DENND6A: variants seen among roughly 807,000 people sequenced by gnomAD.
The protein encoded by DENND6A is protein DENND6A.
Under a neutral mutation model 95.5 loss-of-function variants are expected in DENND6A, and 43 were observed. The observed-to-expected ratio is 0.45, with a 90% CI of 0.35 to 0.58. DENND6A has a LOEUF of 0.58. DENND6A is among the 20% of genes least tolerant of loss of function. The probability of loss-of-function intolerance (pLI) is 0.00; values close to 1 mark genes in which losing one functional copy is unlikely to be tolerated. For synonymous variants in DENND6A, 257 were observed against 260.4 expected, an observed-to-expected ratio of 0.99 and a Z score of 0.13; for missense variants, 574 against 736.0, an observed-to-expected ratio of 0.78 and a Z score of 2.55.
At chr3:57,678,575 G>A (rs557992469) in intron 1 of DENND6A, among the ~76,000 whole-genome samples, 18 of 152,368 alleles carry the variant, frequency 1.2e-4, no homozygotes, top group South Asian at 6.2e-4. Context: ...CATATTTAGA[G>A]ACAGGGCCTT....
chr3:57,672,806 AT>A (rs746586931), intron 1 of DENND6A, among the ~76,000 whole-genome samples: 13 of 151,654 alleles, frequency 8.6e-5, no homozygotes, highest in East Asian at 7.8e-4. Context: ...AAACAAAAAA[AT>A]ATATATATAT....
chr3:57,687,882 T>C (rs1575873989), intron 1 of DENND6A, among the ~76,000 whole-genome samples: 1 of 148,798 alleles, frequency 6.7e-6, no homozygotes, highest in East Asian at 2.0e-4. Flanking sequence ...CAGTAAGCCA[T>C]GATTGCATCA....
At chr3:57,633,210 T>C (rs569931815) in intron 15 of DENND6A, 55 bp downstream of exon 15, 1 of 1,437,262 alleles carries the variant, frequency 7.0e-7, no homozygotes, top group East Asian at 2.3e-5. Flanking sequence ...GGAAAAACAT[T>C]TATATACCCT....
chr3:57,646,787 A>C (rs1410278052), intron 9 of DENND6A, among the ~76,000 whole-genome samples: 1 of 152,202 alleles, frequency 6.6e-6, no homozygotes, highest in African/African-American at 2.4e-5. Flanking sequence ...TTCAATCCTA[A>C]ATATTTTTAA....
chr3:57,681,029 A>G (rs909696354), intron 1 of DENND6A, among the ~76,000 whole-genome samples: 4 of 152,318 alleles, frequency 2.6e-5, no homozygotes, highest in Admixed American at 2.6e-4. Flanking sequence ...TGCAATTTCA[A>G]TGCTAGGTAT....
At position 57,683,125 on chromosome 3, in the gene DENND6A, A is replaced by G. The variant is rs144954709; in HGVS notation, c.237+9657T>C. Among the ~76,000 whole-genome samples the G allele has an allele frequency of 9.9e-4, 151 of 152,290 alleles. 1 individual carries two copies. The highest frequency in any genetic ancestry group is 3.3e-3 in the African/African-American group (139 of 41,544). ...AAATGGTCCCAGTGCTCCTATTATA[A>G]TAGGTACCAACAAAAATTTAATGAT... On this transcript the variant is annotated intron_variant, in intron 1 of 19. Coordinates refer to ENST00000311128, the MANE Select transcript of DENND6A (RefSeq NM_152678.3).
rs1438298176 is a variant in DENND6A at position 57,663,843 on chromosome 3, A to G, written c.433-127T>C. 3 of 457,478 alleles carry G rather than the reference A, an allele frequency of 6.6e-6. No individual in the cohort carries two copies. In the Admixed American group the frequency reaches 1.3e-4, roughly 19 times the overall value. 28.3% of individuals were successfully genotyped at this position (457,478 alleles called of 1,614,324 possible). A position where few individuals can be genotyped will look rare whatever the true frequency, so the allele number is the denominator to read the frequency against. The stretch of plus-strand genomic sequence containing the variant: ...TTATAAACCCAAATCAAGACATGAG[A>G]TATACACGAAGAGCTAGTTACGCTT... On this transcript the variant is annotated intron_variant, in intron 4 of 19. Transcript: ENST00000311128.
At chr3:57,659,065 C>T (rs1342321526) in intron 8 of DENND6A, 53 bp downstream of exon 8, 3 of 1,551,886 alleles carry the variant, frequency 1.9e-6, no homozygotes, top group Non-Finnish European at 1.8e-6. Flanking sequence ...TTTAAAAATT[C>T]TGTTAAAGAG....
intron 1 of DENND6A, among the ~76,000 whole-genome samples, chr3:57,673,440 GA>G (rs993569920): frequency 3.9e-5 from 6 of 152,122 alleles, no homozygotes; most frequent in African/African-American, 1.4e-4. Flanking sequence ...AAGAGTTTGA[GA>G]GGGGGGAATA....
intron 4 of DENND6A, among the ~76,000 whole-genome samples, chr3:57,665,077 CAT>C (rs1355673717): frequency 6.6e-6 from 1 of 151,962 alleles, no homozygotes; most frequent in Non-Finnish European, 1.5e-5. Flanking sequence ...GGAAAAAGCA[CAT>C]AGTTCAGTTT....
intron 11 of DENND6A, among the ~76,000 whole-genome samples, chr3:57,643,625 C>T (rs181084568): frequency 9.3e-4 from 141 of 151,688 alleles, no homozygotes; most frequent in African/African-American, 3.2e-3. Context: ...GTCAGGAGTT[C>T]GAGCCAGTCT....
intron 1 of DENND6A, chr3:57,679,658 A>T: frequency 1.5e-6 from 1 of 685,896 alleles, no homozygotes; most frequent in Non-Finnish European, 1.8e-6. Flanking sequence ...CTGCTTCCAT[A>T]ACATGAGGGT....
chr3:57,639,307 G>C (rs2070873550), intron 12 of DENND6A, among the ~76,000 whole-genome samples: 1 of 152,160 alleles, frequency 6.6e-6, no homozygotes, highest in Admixed American at 6.5e-5. Context: ...CTCATACATT[G>C]CTGGTAAGAA....
chr3:57,628,084 ACC>A lies in DENND6A; in HGVS notation c.*128_*129del. Reference sequence around the variant, plus strand: ...TCTGTTTATACAATACAGTCTTTCTACCCTGTAACTAGCATTCATGGCAATTT... The same window carrying A: ...TCTGTTTATACAATACAGTCTTTCTACTGTAACTAGCATTCATGGCAATTT... On this transcript the variant is annotated 3_prime_UTR_variant, in exon 20 of 20. Coordinates refer to ENST00000311128, the MANE Select transcript of DENND6A (RefSeq NM_152678.3). 7.6e-7 allele frequency: 1 copy of A among 1,315,904 alleles called. No homozygotes were observed. Among genetic ancestry groups the A allele is most frequent in the South Asian group, 1.4e-5 (1 of 69,826 alleles). The allele number at this position is 1,315,904 out of a possible 1,614,324, so 81.5% of individuals were successfully genotyped here.
chr3:57,644,857 T>C (rs2071043544), intron 11 of DENND6A, among the ~76,000 whole-genome samples: 1 of 140,022 alleles, frequency 7.1e-6, no homozygotes, highest in Admixed American at 7.8e-5. Flanking sequence ...AGGGCAATGA[T>C]ATGCCCACTG....
chr3:57,677,659 C>T (rs2071735115), intron 1 of DENND6A, among the ~76,000 whole-genome samples: 1 of 151,998 alleles, frequency 6.6e-6, no homozygotes, highest in Admixed American at 6.6e-5. Flanking sequence ...TGGTCTCAAA[C>T]TCCTGGCCTC....
In DENND6A at chr3:57,659,157, G is replaced by A. The variant is rs1203337170; in HGVS notation, c.723C>T (p.Asp241=). Residue 241 remains aspartate, a synonymous_variant, in exon 8 of 20, where the codon GAC becomes GAT. Coordinates refer to ENST00000311128, the MANE Select transcript of DENND6A (RefSeq NM_152678.3). ...VMKVRIPTCH[D]KPGTTQIVQL... is the part of the protein sequence containing the mutation. ...GCACTATTTGAGTTGTCCCAGGCTT[G>A]TCATGACATGTGGGAATCCGTACCT... The A allele has an allele frequency of 6.2e-7, 1 of 1,613,916 alleles. No homozygotes were observed.
chr3:57,659,024 TAATAAAC>T (rs2071377618), intron 8 of DENND6A, 87 bp downstream of exon 8: 1 of 1,143,796 alleles, frequency 8.7e-7, no homozygotes, highest in African/African-American at 1.6e-5. Flanking sequence ...CAGAAATATG[TAATAAAC>T]TCAAGAAACT....
chr3:57,657,630 A>C (rs1184673628), intron 9 of DENND6A, 50 bp downstream of exon 9: 1 of 1,217,532 alleles, frequency 8.2e-7, no homozygotes, highest in South Asian at 1.4e-5. Flanking sequence ...AATTAACACC[A>C]CCACCACAAA....
Sources: gnomAD v4.1 joint callset for allele counts (sites outside exome capture counted in the v4.1 genomes callset) on GRCh38, gnomAD v4.1.1 for gene constraint, MANE v1.5 for transcripts, NCBI Gene and HGNC (gene_info 2026-07-23, HGNC 2026-07-21) for gene names.